NKAIN2: variants seen among roughly 807,000 people sequenced by gnomAD.
The protein encoded by NKAIN2 is sodium/potassium-transporting ATPase subunit beta-1-interacting protein 2.
NKAIN2 carries 14 observed loss-of-function variants against 32.6 expected under a neutral mutation model. That is an observed-to-expected ratio of 0.43 (90% CI 0.28 to 0.67). The LOEUF is 0.67. Among genes scored for constraint, NKAIN2 ranks in the 30% least tolerant of loss-of-function variants. NKAIN2 has a pLI of 0.17. For missense variants in NKAIN2, 198 were observed against 258.3 expected, an observed-to-expected ratio of 0.77 and a Z score of 1.60; for synonymous variants, 80 against 87.2, an observed-to-expected ratio of 0.92 and a Z score of 0.46.
intron 3 of NKAIN2, among the ~76,000 whole-genome samples, chr6:124,510,356 A>G (rs1778662256): frequency 6.6e-6 from 1 of 152,076 alleles, no homozygotes; most frequent in Non-Finnish European, 1.5e-5. Flanking sequence ...AAGATATTTG[A>G]CTTTTTTTCT....
chr6:124,142,216 A>C (rs1305528996), intron 1 of NKAIN2, among the ~76,000 whole-genome samples: 1 of 151,882 alleles, frequency 6.6e-6, no homozygotes, highest in African/African-American at 2.4e-5. Context: ...AACATCAATC[A>C]CCTCTTAGTC....
intron 5 of NKAIN2, among the ~76,000 whole-genome samples, chr6:124,802,963 C>A (rs1405838186): frequency 4.6e-5 from 7 of 152,182 alleles, no homozygotes; most frequent in African/African-American, 1.2e-4. Context: ...CTTTCAACAT[C>A]TGTGCCTGAC....
intron 1 of NKAIN2, among the ~76,000 whole-genome samples, chr6:124,000,402 C>T (rs1255796751): frequency 6.6e-6 from 1 of 151,800 alleles, no homozygotes; most frequent in Non-Finnish European, 1.5e-5. Flanking sequence ...CTAGCTTTTA[C>T]TCAACTATAA....
At chr6:124,758,188 C>G (rs71561823) in intron 4 of NKAIN2, among the ~76,000 whole-genome samples, 1 of 152,114 alleles carries the variant, frequency 6.6e-6, no homozygotes, top group African/African-American at 2.4e-5. Flanking sequence ...ATCCCTCCCT[C>G]TACTGCACAC....
chr6:124,600,825 G>T (rs956854621), intron 3 of NKAIN2, among the ~76,000 whole-genome samples: 1 of 151,876 alleles, frequency 6.6e-6, no homozygotes, highest in Non-Finnish European at 1.5e-5. Context: ...TCTCAGTTTT[G>T]ACCAGAAAAA....
chr6:124,168,856 CT>C (rs1249014001), intron 1 of NKAIN2, among the ~76,000 whole-genome samples: 1 of 152,050 alleles, frequency 6.6e-6, no homozygotes, highest in Non-Finnish European at 1.5e-5. Context: ...GAGTACTATT[CT>C]TTTGCACTAT....
chr6:124,815,887 C>A (rs1414659455), intron 5 of NKAIN2, among the ~76,000 whole-genome samples: 1 of 152,152 alleles, frequency 6.6e-6, no homozygotes, highest in African/African-American at 2.4e-5. Context: ...ACTCTACACT[C>A]TCCTTATTTT....
intron 3 of NKAIN2, among the ~76,000 whole-genome samples, chr6:124,568,536 T>C (rs1344164282): frequency 1.3e-5 from 2 of 152,108 alleles, no homozygotes; most frequent in East Asian, 3.9e-4. Context: ...TGGGGTCAAT[T>C]AATATTAAGT....
chr6:124,357,824 G>A (rs574692481), intron 3 of NKAIN2, among the ~76,000 whole-genome samples: 11 of 135,834 alleles, frequency 8.1e-5, no homozygotes, highest in South Asian at 4.7e-4. Context: ...TGTGCACAAC[G>A]TGCAGGTTTG....
At chr6:124,651,500 A>G (rs1043374102) in intron 3 of NKAIN2, among the ~76,000 whole-genome samples, 31 of 152,144 alleles carry the variant, frequency 2.0e-4, no homozygotes, top group Non-Finnish European at 7.4e-5. Flanking sequence ...ATGCTGCCAT[A>G]ACTCCATAGC....
At chr6:124,005,557 A>T (rs1780043102) in intron 1 of NKAIN2, among the ~76,000 whole-genome samples, 1 of 152,118 alleles carries the variant, frequency 6.6e-6, no homozygotes, top group South Asian at 2.1e-4. Flanking sequence ...CTCAAATATT[A>T]TTGCCCTTTT....
chr6:124,169,246 A>G (rs1788726181), intron 1 of NKAIN2, among the ~76,000 whole-genome samples: 1 of 152,180 alleles, frequency 6.6e-6, no homozygotes, highest in Non-Finnish European at 1.5e-5. Context: ...CATAGTCTCA[A>G]AAATTTATTT....
intron 3 of NKAIN2, among the ~76,000 whole-genome samples, chr6:124,432,251 G>T (rs1002092165): frequency 6.6e-6 from 1 of 152,154 alleles, no homozygotes; most frequent in African/African-American, 2.4e-5. Flanking sequence ...ACTATAAGCA[G>T]TGAAAGACAG....
At chr6:124,550,984 G>T (rs1780265805) in intron 3 of NKAIN2, among the ~76,000 whole-genome samples, 1 of 152,140 alleles carries the variant, frequency 6.6e-6, no homozygotes, top group Non-Finnish European at 1.5e-5. Context: ...TAGTAGAATT[G>T]CAAGGCTTTA....
chr6:124,464,416 A>G (rs578658), intron 3 of NKAIN2, among the ~76,000 whole-genome samples: 45,512 of 151,528 alleles, frequency 0.3, 9,250 homozygotes, highest in African/African-American at 0.58. Context: ...AAAAATAGCC[A>G]TGAATTATAA....
At position 124,314,171 on chromosome 6, in the gene NKAIN2, C is replaced by A. The variant is rs142762664; in HGVS notation, c.192+31029C>A. The stretch of plus-strand genomic sequence containing the variant: ...AGTGCTTTCTGCTTGTCTTTGTTTC[C>A]TAGCAGTCAATTCTAGACAACTGGA... On this transcript the variant is annotated intron_variant, in intron 2 of 6. Transcript: ENST00000368417. Among the ~76,000 whole-genome samples the A allele has an allele frequency of 1.7e-3, 265 of 152,132 alleles. 2 individuals carry two copies. The highest frequency in any genetic ancestry group is 2.3e-3 in the Non-Finnish European group (153 of 67,986).
intron 4 of NKAIN2, among the ~76,000 whole-genome samples, chr6:124,680,203 A>G (rs1172770885): frequency 6.6e-6 from 1 of 152,188 alleles, no homozygotes; most frequent in Non-Finnish European, 1.5e-5. Context: ...GAAAGAATAA[A>G]TCAATCAATA....
intron 4 of NKAIN2, among the ~76,000 whole-genome samples, chr6:124,751,271 T>C (rs562989475): frequency 6.6e-6 from 1 of 152,096 alleles, no homozygotes; most frequent in East Asian, 1.9e-4. Context: ...AGAAAGACAT[T>C]CCTTAGTTGT....
At chr6:124,296,653 G>T (rs910644340) in intron 2 of NKAIN2, among the ~76,000 whole-genome samples, 10 of 152,096 alleles carry the variant, frequency 6.6e-5, no homozygotes, top group African/African-American at 2.4e-4. Context: ...TCCATACAAG[G>T]AACCACATCA....
Sources: allele counts gnomAD v4.1 joint callset (sites outside exome capture counted in the v4.1 genomes callset), GRCh38; gene constraint gnomAD v4.1.1; transcripts MANE v1.5; gene names NCBI Gene and HGNC (gene_info 2026-07-23, HGNC 2026-07-21).